The following MUC5AC variants were observed in gnomAD, a reference collection of about 807,000 sequenced individuals.
MUC5AC encodes the protein mucin-5AC.
A neutral mutation model predicts 169.7 loss-of-function variants in MUC5AC; 158 were observed. That is an observed-to-expected ratio of 0.93 (90% CI 0.82 to 1.06). The LOEUF is 1.06. MUC5AC is among the 50% of genes least tolerant of loss of function. The probability of loss-of-function intolerance (pLI) is 0.00; values close to 1 mark genes in which losing one functional copy is unlikely to be tolerated. For synonymous variants in MUC5AC, 1,975 were observed against 1,237.0 expected (o/e 1.60, Z -12.52); for missense variants, 4,359 against 3,089.9 (o/e 1.41, Z -9.74).
In MUC5AC at chr11:1,161,933, G is replaced by T. The variant is rs1720640818; in HGVS notation, c.238G>T (p.Val80Leu). The change falls in exon 4 of 49, where the codon GTG (valine) becomes TTG (leucine). Residue 80 changes from valine (V) to leucine (L), a missense_variant. Physicochemically the swap from Val to Leu is conservative, Grantham distance 32 (BLOSUM62 1). Coordinates refer to ENST00000621226, the MANE Select transcript of MUC5AC (RefSeq NM_001304359.2). ...CTCCAACCCGGCGCACAACGGGCGG[G>T]TGTGCAGCACCTGGGGCAGCTTCCA... ...RASNPAHNGR[V>L]CSTWGSFHYK... is the part of the protein sequence containing the mutation. 5 of 1,611,862 alleles carry T rather than the reference G, an allele frequency of 3.1e-6. No homozygotes were observed. In the South Asian group the frequency reaches 5.5e-5, roughly 18 times the overall value.
At chr11:1,193,455 C>T (rs745487359) in intron 32 of MUC5AC, 30 bp from the exon 33 acceptor site, 15 of 699,278 alleles carry the variant, frequency 2.1e-5, no homozygotes, top group African/African-American at 5.2e-5. Flanking sequence ...CGGGAGAGGC[C>T]GGACCCTGCA....
intron 19 of MUC5AC, 118 bp downstream of exon 19, chr11:1,175,388 A>T: frequency 2.5e-6 from 1 of 398,030 alleles, no homozygotes. Context: ...GTTGTCCATC[A>T]GCTGCTCAGT....
In MUC5AC at chr11:1,173,887, C is replaced by G. The variant is rs1036929238; in HGVS notation, c.1966-609C>G. 2.0e-5 allele frequency among the ~76,000 whole-genome samples: 3 copies of G among 147,476 alleles called. No homozygotes were observed. The East Asian group carries it at 5.8e-4, about 29-fold the overall frequency. On this transcript the variant is annotated intron_variant, in intron 16 of 48. Coordinates refer to ENST00000621226, the MANE Select transcript of MUC5AC (RefSeq NM_001304359.2). ...ATTCATCCACTCACTCACCCACTCACTCATCCACTCATTACTCATCCACTC... is the reference window on the plus strand; with the variant it reads ...ATTCATCCACTCACTCACCCACTCAGTCATCCACTCATTACTCATCCACTC...
intron 26 of MUC5AC, among the ~76,000 whole-genome samples, chr11:1,179,747 G>C (rs1273453394): frequency 6.6e-6 from 1 of 152,168 alleles, no homozygotes; most frequent in African/African-American, 2.4e-5. Flanking sequence ...GTTCTGGGCA[G>C]TGGGGTCAGC....
chr11:1,187,183 C>A lies in MUC5AC; in HGVS notation c.9038C>A (p.Pro3013His), dbSNP rs1277209111. 1 of 704,864 alleles carries A rather than the reference C, an allele frequency of 1.4e-6. No individual in the cohort carries two copies. 43.7% of individuals were successfully genotyped at this position (704,864 alleles called of 1,614,324 possible). A position where few individuals can be genotyped will look rare whatever the true frequency, so the allele number is the denominator to read the frequency against. The change falls in exon 31 of 49, where the codon CCC (proline) becomes CAC (histidine). Residue 3013 changes from proline (P) to histidine (H), a missense_variant. Coordinates refer to ENST00000621226, the MANE Select transcript of MUC5AC (RefSeq NM_001304359.2). ...ATCTCGGCCCCAACAACCAGCACAC[C>A]CTCTGCCCCTACAACCAGCACAACC... ...STISAPTTST[P>H]SAPTTSTTLA...
chr11:1,174,164 C>T (rs1860619019), intron 16 of MUC5AC, among the ~76,000 whole-genome samples: 1 of 152,276 alleles, frequency 6.6e-6, no homozygotes, highest in East Asian at 1.9e-4. Flanking sequence ...TGTTGCCCAC[C>T]TGGCCCCAGG....
At position 1,176,133 on chromosome 11, in the gene MUC5AC, C is replaced by T. The variant is rs1007077231; in HGVS notation, c.2402-18C>T. 8 of 398,618 alleles carry T rather than the reference C, an allele frequency of 2.0e-5. No homozygotes were observed. Among genetic ancestry groups the T allele is most frequent in the Middle Eastern group, 6.3e-4 (1 of 1,588 alleles). 24.7% of individuals were successfully genotyped at this position (398,618 alleles called of 1,614,324 possible). On this transcript the variant is annotated intron_variant, in intron 19 of 48. Coordinates refer to ENST00000621226, the MANE Select transcript of MUC5AC (RefSeq NM_001304359.2). ...CAGCAGCCTGTGGCTGGCCCCCTGACGGCCCCTCCCTCCCCAGTGTGTGCT... is the reference window on the plus strand; with the variant it reads ...CAGCAGCCTGTGGCTGGCCCCCTGATGGCCCCTCCCTCCCCAGTGTGTGCT...
At chr11:1,175,837 G>GCACACCCACTTATGCAA (rs1860667685) in intron 19 of MUC5AC, among the ~76,000 whole-genome samples, 1 of 91,290 alleles carries the variant, frequency 1.1e-5, no homozygotes, top group Non-Finnish European at 2.1e-5. Context: ...TCATGCACAC[G>GCACACCCACTTATGCAA]CACTCACACA....
intron 16 of MUC5AC, among the ~76,000 whole-genome samples, chr11:1,173,447 A>C (rs1860600188): frequency 6.6e-6 from 1 of 151,176 alleles, no homozygotes. Flanking sequence ...CCACTCATCC[A>C]CTCACTCACT....
chr11:1,158,370 A>G (rs1319046113), intron 1 of MUC5AC, among the ~76,000 whole-genome samples: 1 of 152,158 alleles, frequency 6.6e-6, no homozygotes, highest in African/African-American at 2.4e-5. Flanking sequence ...TGTCCCCAGA[A>G]GCCGACAGCA....
At chr11:1,169,843 C>T (rs1483039984) in intron 15 of MUC5AC, among the ~76,000 whole-genome samples, 1 of 136,052 alleles carries the variant, frequency 7.4e-6, no homozygotes, top group African/African-American at 2.7e-5. Context: ...CTCACTCACC[C>T]ACTCACCGAC....
Position 1,161,393 on chromosome 11 carries a change from A to G in MUC5AC, c.152-134A>G, listed in dbSNP as rs750686948. ...TGGTGGGTGGGTGGGAGGGGGCCCA[A>G]CACGCAGCAGAATCCGGAGTTGGCT... On this transcript the variant is annotated intron_variant, in intron 2 of 48. Coordinates refer to ENST00000621226, the MANE Select transcript of MUC5AC (RefSeq NM_001304359.2). 1,618 of 621,912 alleles carry G rather than the reference A, an allele frequency of 2.6e-3. 6 individuals are homozygous for G. The highest frequency in any genetic ancestry group is 3.7e-3 in the South Asian group (140 of 37,366). 38.5% of individuals were successfully genotyped at this position (621,912 alleles called of 1,614,324 possible). A position where few individuals can be genotyped will look rare whatever the true frequency, so the allele number is the denominator to read the frequency against.
At position 1,193,662 on chromosome 11, in the gene MUC5AC, G is replaced by A; in HGVS notation, c.14755+3G>A. ...CTGCCATCACTACCAGTGCCAGTGT[G>A]AGTGGAGCGCCGAGCGGGACCCAGG... On this transcript the variant is annotated splice_donor_region_variant and intron_variant, in intron 33 of 48. Transcript: ENST00000621226. 1.3e-6 allele frequency: 1 copy of A among 764,788 alleles called. No homozygotes were observed. Among genetic ancestry groups the A allele is most frequent in the Admixed American group, 1.7e-5 (1 of 59,024 alleles). 47.4% of individuals were successfully genotyped at this position (764,788 alleles called of 1,614,324 possible).
chr11:1,161,269 G>C (rs1286862044), intron 2 of MUC5AC, among the ~76,000 whole-genome samples: 3 of 152,096 alleles, frequency 2.0e-5, no homozygotes, highest in Non-Finnish European at 4.4e-5. Flanking sequence ...GGGCATGTGA[G>C]AGCTGGCAGC....
At position 1,174,480 on chromosome 11, in the gene MUC5AC, A is replaced by T. The variant is rs1028579624; in HGVS notation, c.1966-16A>T. On this transcript the variant is annotated splice_polypyrimidine_tract_variant and intron_variant, in intron 16 of 48. Transcript: ENST00000621226. Reference sequence around the variant, plus strand: ...GGCTGGGGTCTCTGATGCCCCGATGACCCCCTTCCCTGCAGAACTGCATGT... The same window carrying T: ...GGCTGGGGTCTCTGATGCCCCGATGTCCCCCTTCCCTGCAGAACTGCATGT... 191 of 1,487,054 alleles carry T rather than the reference A, an allele frequency of 1.3e-4. No individual in the cohort carries two copies. The highest frequency in any genetic ancestry group is 5.2e-4 in the Admixed American group (26 of 49,902). 92.1% of individuals were successfully genotyped at this position (1,487,054 alleles called of 1,614,324 possible). A position where few individuals can be genotyped will look rare whatever the true frequency, so the allele number is the denominator to read the frequency against.
At chr11:1,171,379 TC>T (rs1860525626) in intron 15 of MUC5AC, among the ~76,000 whole-genome samples, 1 of 105,770 alleles carries the variant, frequency 9.5e-6, no homozygotes. Context: ...ACTCACCCAT[TC>T]ACTCACCCAT....
At chr11:1,178,189 G>A (rs1043280171) in intron 24 of MUC5AC, among the ~76,000 whole-genome samples, 2 of 152,260 alleles carry the variant, frequency 1.3e-5, no homozygotes, top group Non-Finnish European at 2.9e-5. Context: ...GGCCACGTCA[G>A]CTTCTTTTTC....
In MUC5AC at chr11:1,182,508, A is replaced by C; in HGVS notation, c.4363A>C (p.Thr1455Pro). The change falls in exon 31 of 49, where the codon ACC (threonine) becomes CCC (proline). Residue 1455 changes from threonine to proline, a missense_variant. Physicochemically the swap from Thr to Pro is conservative, Grantham distance 38. Coordinates refer to ENST00000621226, the MANE Select transcript of MUC5AC (RefSeq NM_001304359.2). ...RVQCSPDVGL[T>P]CRNREQASGL... ...GCAGTGCAGCCCGGATGTGGGGCTG[A>C]CCTGTCGTAACAGGGAGCAGGCATC... 1 of 398,610 alleles carries C rather than the reference A, an allele frequency of 2.5e-6. No homozygotes were observed. Among genetic ancestry groups the C allele is most frequent in the Admixed American group, 4.4e-5 (1 of 22,736 alleles). 24.7% of individuals were successfully genotyped at this position (398,610 alleles called of 1,614,324 possible).
chr11:1,185,006 T>TCCTACAACCAGCACAACTTCTGTC lies in MUC5AC; in HGVS notation c.6872_6873insCACAACTTCTGTCCCTACAACCAG (p.Thr2290_Arg2291insSerThrThrSerValProThrThr). ...CTCCTACAGCCAGAACAACCTCTGC[T>TCCTACAACCAGCACAACTTCTGTC]CCTACAACCAGAACAACCTCTGCCT... On this transcript the variant is annotated inframe_insertion, in exon 31 of 49. Transcript: ENST00000621226. 7 of 685,330 alleles carry TCCTACAACCAGCACAACTTCTGTC rather than the reference T, an allele frequency of 1.0e-5. No homozygotes were observed. Among genetic ancestry groups the TCCTACAACCAGCACAACTTCTGTC allele is most frequent in the Admixed American group, 2.0e-5 (1 of 49,048 alleles). 42.5% of individuals were successfully genotyped at this position (685,330 alleles called of 1,614,324 possible).
Sources: allele counts gnomAD v4.1 joint callset (sites outside exome capture counted in the v4.1 genomes callset), GRCh38; gene constraint gnomAD v4.1.1; transcripts MANE v1.5; gene names NCBI Gene and HGNC (gene_info 2026-07-23, HGNC 2026-07-21).